Variants in TDRD12 observed in about 807,000 individuals in gnomAD.
TDRD12 encodes putative ATP-dependent RNA helicase TDRD12.
Under a neutral mutation model 133.5 loss-of-function variants are expected in TDRD12, and 158 were observed. The observed-to-expected ratio is 1.18, with a 90% CI of 1.04 to 1.35. The LOEUF (loss-of-function observed/expected upper bound fraction) is 1.35, where lower values mean the gene tolerates loss of function less well. TDRD12 is among the 40% of genes most tolerant of loss of function. The pLI is 0.00. For missense variants in TDRD12, 1,443 were observed against 1,321.3 expected, an observed-to-expected ratio of 1.09 and a Z score of -1.43; for synonymous variants, 460 against 477.9, an observed-to-expected ratio of 0.96 and a Z score of 0.49.
At chr19:32,811,163 T>C (rs1486573627) in intron 23 of TDRD12, 47 bp from the exon 24 acceptor site, 2 of 1,385,738 alleles carry the variant, frequency 1.4e-6, no homozygotes, top group Admixed American at 2.2e-5. Context: ...GCAAAGATGA[T>C]CCTTTCTGGA....
chr19:32,723,341 C>T (rs1274679583), intron 1 of TDRD12, among the ~76,000 whole-genome samples: 2 of 151,072 alleles, frequency 1.3e-5, no homozygotes, highest in Admixed American at 6.6e-5. Flanking sequence ...AGCTCTGCCT[C>T]CCGGGTTCAT....
chr19:32,757,514 C>T (rs761189698), intron 8 of TDRD12, among the ~76,000 whole-genome samples: 5 of 152,086 alleles, frequency 3.3e-5, no homozygotes, highest in Non-Finnish European at 7.4e-5. Context: ...TTTTAAATTC[C>T]AGTCTTCAAG....
chr19:32,781,100 G>A (rs1405655946), intron 11 of TDRD12, among the ~76,000 whole-genome samples: 4 of 151,860 alleles, frequency 2.6e-5, no homozygotes, highest in African/African-American at 9.7e-5. Flanking sequence ...CCACCATCAC[G>A]CCTGGCTAAT....
chr19:32,738,184 G>A (rs1217675999), intron 2 of TDRD12, among the ~76,000 whole-genome samples: 1 of 152,164 alleles, frequency 6.6e-6, no homozygotes, highest in Admixed American at 6.6e-5. Flanking sequence ...GATGAGCCTG[G>A]TGGCAGCTTC....
Position 32,800,190 on chromosome 19 carries a change from T to TA in TDRD12, c.1790dup (p.Asn597LysfsTer3). 12 of 1,510,198 alleles carry TA rather than the reference T, an allele frequency of 7.9e-6. No homozygotes were observed. The highest frequency in any genetic ancestry group is 2.5e-5 in the East Asian group (1 of 40,778). The allele number at this position is 1,510,198 out of a possible 1,614,324, so 93.5% of individuals were successfully genotyped here. On this transcript the variant is annotated frameshift_variant, in exon 17 of 28. Coordinates refer to ENST00000444215, the Ensembl canonical transcript of TDRD12. LOFTEE classifies it high-confidence loss of function. Reference sequence around the variant, plus strand: ...AGATGTTTGCTATATTAGATAACTTTAAAAAAAATATTGAAGTTGAAGAAA... The same window carrying TA: ...AGATGTTTGCTATATTAGATAACTTTAAAAAAAAATATTGAAGTTGAAGAAA...
At position 32,749,831 on chromosome 19, in the gene TDRD12, T is replaced by C. The variant is rs539771484; in HGVS notation, c.544T>C (p.Phe182Leu). 160 of 1,550,692 alleles carry C rather than the reference T, an allele frequency of 1.0e-4. 1 individual carries two copies. The Admixed American group carries it at 2.4e-3, about 23-fold the overall frequency. The change falls in exon 6 of 28, where the codon TTT becomes CTT. Residue 182 changes from phenylalanine (F) to leucine (L), a missense_variant. Transcript: ENST00000444215. ...ATTATGTGCTGTGGAAGAAGATACA[T>C]TTGAGGTTTACCTTTATGTAACTAT...
At chr19:32,804,500 T>A (rs1599609240) in intron 21 of TDRD12, among the ~76,000 whole-genome samples, 2 of 148,726 alleles carry the variant, frequency 1.3e-5, no homozygotes, top group East Asian at 4.4e-4. Context: ...GAGACCATCC[T>A]GGCCAACATG....
intron 8 of TDRD12, among the ~76,000 whole-genome samples, chr19:32,768,370 G>T (rs1224650797): frequency 2.0e-5 from 3 of 149,036 alleles, no homozygotes; most frequent in African/African-American, 7.5e-5. Context: ...ATCATTTCTG[G>T]TGGTGGTCTT....
chr19:32,748,964 T>A (rs1969739937), intron 5 of TDRD12, among the ~76,000 whole-genome samples: 1 of 152,250 alleles, frequency 6.6e-6, no homozygotes, highest in Admixed American at 6.5e-5. Flanking sequence ...TGTCTTCAGC[T>A]GTTCTTTTTA....
intron 6 of TDRD12, among the ~76,000 whole-genome samples, chr19:32,753,235 T>C (rs1474917397): frequency 6.6e-6 from 1 of 152,222 alleles, no homozygotes; most frequent in Non-Finnish European, 1.5e-5. Flanking sequence ...TATTAGGAAA[T>C]ATATGTATGT....
chr19:32,791,775 A>G (rs559935783), intron 13 of TDRD12, among the ~76,000 whole-genome samples: 1 of 152,178 alleles, frequency 6.6e-6, no homozygotes, highest in African/African-American at 2.4e-5. Flanking sequence ...AGATGATGCT[A>G]TTTGGAATTC....
chr19:32,804,057 A>G (rs116292727), intron 21 of TDRD12, among the ~76,000 whole-genome samples: 2,548 of 151,948 alleles, frequency 0.017, 60 homozygotes, highest in African/African-American at 0.059. Context: ...ATGAACAGGC[A>G]TTTTTAATTT....
chr19:32,821,017 T>A lies in TDRD12; in HGVS notation c.3384-16T>A. Reference sequence around the variant, plus strand: ...CTGTAGAGAGCCAGGTGTTAACCCCTGCCTCTCCCGTCTAGGACGCCTCCA... The same window carrying A: ...CTGTAGAGAGCCAGGTGTTAACCCCAGCCTCTCCCGTCTAGGACGCCTCCA... On this transcript the variant is annotated splice_polypyrimidine_tract_variant and intron_variant, in intron 27 of 27. Transcript: ENST00000444215. 6.5e-7 allele frequency: 1 copy of A among 1,533,944 alleles called. No homozygotes were observed. The highest frequency in any genetic ancestry group is 8.7e-7 in the Non-Finnish European group (1 of 1,145,732).
rs184330204 is a variant in TDRD12, at chr19:32,812,860, T to C, written c.3049-824T>C. Among the ~76,000 whole-genome samples, 12 of 152,320 alleles carry C rather than the reference T, an allele frequency of 7.9e-5. No individual in the cohort carries two copies. The East Asian group carries it at 2.1e-3, about 27-fold the overall frequency. On this transcript the variant is annotated intron_variant, in intron 24 of 27. Transcript: ENST00000444215. ...AGGTTGCTTAGACAGGTCCTGCCTG[T>C]TGTGTTCCTCCTTGAGAGGAAACTG...
intron 8 of TDRD12, among the ~76,000 whole-genome samples, chr19:32,766,392 A>T (rs1970297021): frequency 1.3e-5 from 2 of 152,142 alleles, no homozygotes; most frequent in African/African-American, 4.8e-5. Flanking sequence ...TTACATCTTT[A>T]AGTTATTTAA....
chr19:32,805,149 T>A (rs566444991), intron 21 of TDRD12, among the ~76,000 whole-genome samples: 87 of 145,638 alleles, frequency 6.0e-4, no homozygotes, highest in Non-Finnish European at 1.0e-3. Flanking sequence ...TATATATATG[T>A]GTATTATATA....
intron 13 of TDRD12, 92 bp from the exon 14 acceptor site, chr19:32,794,536 G>A (rs774635581): frequency 2.0e-5 from 13 of 638,142 alleles, no homozygotes; most frequent in Admixed American, 1.5e-4. Flanking sequence ...TTGGCAATGT[G>A]TAGTGCTTTT....
intron 11 of TDRD12, among the ~76,000 whole-genome samples, chr19:32,781,594 A>T (rs1970767412): frequency 6.6e-6 from 1 of 152,202 alleles, no homozygotes; most frequent in Non-Finnish European, 1.5e-5. Context: ...TAGTTTGGGT[A>T]TACATTTTGA....
chr19:32,745,982 CTGTGTGTGTG>C (rs1186338730), intron 4 of TDRD12, among the ~76,000 whole-genome samples: 2 of 63,820 alleles, frequency 3.1e-5, no homozygotes, highest in Non-Finnish European at 5.7e-5. Flanking sequence ...TGTGGTCATT[CTGTGTGTGTG>C]TGTGTGTGAG....
Sources: gnomAD v4.1 joint callset for allele counts (sites outside exome capture counted in the v4.1 genomes callset) on GRCh38, gnomAD v4.1.1 for gene constraint, MANE v1.5 for transcripts, NCBI Gene and HGNC (gene_info 2026-07-23, HGNC 2026-07-21) for gene names.